SHANK2: variants seen among roughly 807,000 people sequenced by gnomAD.
SHANK2 encodes SH3 and multiple ankyrin repeat domains 2.
Under a neutral mutation model 133.7 loss-of-function variants are expected in SHANK2, and 43 were observed. That is an observed-to-expected ratio of 0.32 (90% CI 0.25 to 0.41). The LOEUF (loss-of-function observed/expected upper bound fraction) is 0.41. Ranked by LOEUF, SHANK2 falls within the 10% of genes least tolerant of loss-of-function variation. The probability of loss-of-function intolerance (pLI) is 1.00; values close to 1 mark genes in which losing one functional copy is unlikely to be tolerated. For missense variants in SHANK2, 1,994 were observed against 2,235.8 expected, an observed-to-expected ratio of 0.89 and a Z score of 2.18; for synonymous variants, 1,017 against 952.8, an observed-to-expected ratio of 1.07 and a Z score of -1.24.
intron 14 of SHANK2, among the ~76,000 whole-genome samples, chr11:70,704,379 C>A (rs542780571): frequency 6.6e-6 from 1 of 152,244 alleles, no homozygotes; most frequent in South Asian, 2.1e-4. Flanking sequence ...CATAGCTTCT[C>A]TGGGGACACA....
intron 17 of SHANK2, among the ~76,000 whole-genome samples, chr11:70,591,267 G>A (rs1176881844): frequency 1.3e-5 from 2 of 151,986 alleles, no homozygotes; most frequent in Non-Finnish European, 2.9e-5. Flanking sequence ...CAGGAGAATC[G>A]CTTGAATCTG....
At chr11:70,534,179 A>C (rs2059514902) in intron 17 of SHANK2, among the ~76,000 whole-genome samples, 1 of 152,196 alleles carries the variant, frequency 6.6e-6, no homozygotes, top group Non-Finnish European at 1.5e-5. Flanking sequence ...TAATTGACTC[A>C]CAGTTCTGCA....
intron 2 of SHANK2, among the ~76,000 whole-genome samples, chr11:71,184,266 CA>C (rs1953627208): frequency 6.6e-6 from 1 of 152,154 alleles, no homozygotes; most frequent in Non-Finnish European, 1.5e-5. Context: ...AGCTCTGACT[CA>C]ATGGCCCACA....
chr11:71,113,173 A>G lies in SHANK2; in HGVS notation c.483+120T>C, dbSNP rs1555099720. On this transcript the variant is annotated intron_variant, in intron 5 of 25. Transcript: ENST00000601538. ...TGCCTGTACATCCCAGCCCAGCCACACGCCATGCCAGGTACACAGCAGGTG... is the reference window on the plus strand; with the variant it reads ...TGCCTGTACATCCCAGCCCAGCCACGCGCCATGCCAGGTACACAGCAGGTG... The G allele has an allele frequency of 6.6e-6, 6 of 910,396 alleles. No individual in the cohort carries two copies. In the Admixed American group the frequency reaches 8.9e-5, roughly 13 times the overall value. 56.4% of individuals were successfully genotyped at this position (910,396 alleles called of 1,614,324 possible).
chr11:71,243,427 G>A (rs1018606126), intron 1 of SHANK2, among the ~76,000 whole-genome samples: 4 of 152,208 alleles, frequency 2.6e-5, no homozygotes, highest in African/African-American at 9.6e-5. Context: ...GGGCGTGGTG[G>A]CTGATGCCTG....
chr11:70,593,841 A>G (rs782159513), intron 17 of SHANK2, among the ~76,000 whole-genome samples: 19 of 152,178 alleles, frequency 1.2e-4, no homozygotes, highest in Non-Finnish European at 2.2e-4. Context: ...TCGTTCGTTC[A>G]TTCATTCATT....
At chr11:70,516,255 C>T (rs782262959) in intron 17 of SHANK2, among the ~76,000 whole-genome samples, 24 of 152,162 alleles carry the variant, frequency 1.6e-4, no homozygotes, top group Non-Finnish European at 2.9e-4. Flanking sequence ...ATCAAGGCAG[C>T]GGGGTACTGG....
At chr11:71,080,549 G>A (rs1332902205) in intron 8 of SHANK2, among the ~76,000 whole-genome samples, 4 of 152,120 alleles carry the variant, frequency 2.6e-5, no homozygotes, top group African/African-American at 9.7e-5. Context: ...GCACAGGTCG[G>A]CTGAGACGAA....
chr11:70,660,044 G>A (rs2061461992), intron 16 of SHANK2, 92 bp from the exon 17 acceptor site: 1 of 1,546,278 alleles, frequency 6.5e-7, no homozygotes, highest in African/African-American at 1.4e-5. Context: ...GGGAGGAAGT[G>A]GGCCCACTCA....
At chr11:70,732,211 C>T (rs1420481943) in intron 14 of SHANK2, among the ~76,000 whole-genome samples, 5 of 152,188 alleles carry the variant, frequency 3.3e-5, no homozygotes, top group Admixed American at 1.3e-4. Flanking sequence ...TCTGCCCTGG[C>T]GCCTCATCCA....
chr11:71,179,737 A>G (rs1422351812), intron 2 of SHANK2, among the ~76,000 whole-genome samples: 2 of 152,248 alleles, frequency 1.3e-5, no homozygotes, highest in Non-Finnish European at 2.9e-5. Flanking sequence ...GCAAGACTGA[A>G]GAAGGCAACA....
chr11:70,778,622 C>T (rs974581952), intron 14 of SHANK2, among the ~76,000 whole-genome samples: 15 of 152,282 alleles, frequency 9.9e-5, no homozygotes, highest in African/African-American at 2.2e-4. Context: ...GAGGACACAG[C>T]GAGAAGGCGG....
At chr11:70,632,387 C>G (rs1336744580) in intron 17 of SHANK2, among the ~76,000 whole-genome samples, 2 of 152,002 alleles carry the variant, frequency 1.3e-5, no homozygotes, top group Non-Finnish European at 2.9e-5. Flanking sequence ...AGCCTCCCAA[C>G]TGGCGGACTT....
chr11:70,840,235 A>G (rs1296389559), intron 11 of SHANK2, among the ~76,000 whole-genome samples: 2 of 152,196 alleles, frequency 1.3e-5, no homozygotes, highest in African/African-American at 2.4e-5. Context: ...ACTCCTGGAC[A>G]GGGAGGTAGT....
chr11:71,185,021 C>A (rs1555114291), intron 2 of SHANK2, among the ~76,000 whole-genome samples: 2 of 152,212 alleles, frequency 1.3e-5, no homozygotes, highest in South Asian at 4.1e-4. Flanking sequence ...CGTCTGTACC[C>A]CGTGAGGGCA....
intron 12 of SHANK2, among the ~76,000 whole-genome samples, chr11:70,814,387 C>A (rs1031400436): frequency 6.6e-6 from 1 of 151,954 alleles, no homozygotes; most frequent in Non-Finnish European, 1.5e-5. Context: ...CTCACCCCTA[C>A]TCTGCCAGCA....
At chr11:70,558,168 C>G (rs1554980035) in intron 17 of SHANK2, among the ~76,000 whole-genome samples, 3 of 152,192 alleles carry the variant, frequency 2.0e-5, no homozygotes, top group Non-Finnish European at 2.9e-5. Flanking sequence ...TTCTTTCTAT[C>G]TGGAGGTGTG....
chr11:71,172,313 T>C (rs1953330594), intron 2 of SHANK2, among the ~76,000 whole-genome samples: 1 of 152,080 alleles, frequency 6.6e-6, no homozygotes, highest in African/African-American at 2.4e-5. Context: ...TTACTTTATT[T>C]ACTTAAAAGA....
chr11:70,591,004 C>G (rs2060313698), intron 17 of SHANK2, among the ~76,000 whole-genome samples: 1 of 151,998 alleles, frequency 6.6e-6, no homozygotes, highest in South Asian at 2.1e-4. Flanking sequence ...AAGGAAAAGA[C>G]AAAGAAATGG....
Sources: allele counts gnomAD v4.1 joint callset (sites outside exome capture counted in the v4.1 genomes callset), GRCh38; gene constraint gnomAD v4.1.1; transcripts MANE v1.5; gene names NCBI Gene and HGNC (gene_info 2026-07-23, HGNC 2026-07-21).